Variants in FMN1 observed in about 807,000 individuals in gnomAD.
The protein encoded by FMN1 is formin-1.
In FMN1, 110 loss-of-function variants were observed where a neutral mutation model predicts 132.4. The ratio of observed to expected loss-of-function variants is 0.83; its 90% CI spans 0.71 to 0.97. The LOEUF is 0.97. Among genes scored for constraint, FMN1 ranks in the 50% least tolerant of loss-of-function variants. FMN1 has a pLI of 0.00. For synonymous variants in FMN1, 722 were observed against 651.7 expected (o/e 1.11, Z -1.64); for missense variants, 1,792 against 1,705.3 (o/e 1.05, Z -0.90).
At chr15:32,786,821 G>T (rs2056895258) in intron 19 of FMN1, among the ~76,000 whole-genome samples, 1 of 152,286 alleles carries the variant, frequency 6.6e-6, no homozygotes, top group South Asian at 2.1e-4. Flanking sequence ...TCCAACCACT[G>T]CCTGGTGGCC....
intron 2 of FMN1, among the ~76,000 whole-genome samples, chr15:33,189,099 T>C (rs920795219): frequency 1.4e-4 from 21 of 152,218 alleles, no homozygotes; most frequent in Admixed American, 1.4e-3. Context: ...TTTTCGGAGG[T>C]TAAAATTAGG....
At chr15:32,996,626 C>T (rs2033786301) in intron 7 of FMN1, among the ~76,000 whole-genome samples, 1 of 152,172 alleles carries the variant, frequency 6.6e-6, no homozygotes, top group Admixed American at 6.5e-5. Context: ...ATAGTAAATG[C>T]TCAATTAAGT....
intron 3 of FMN1, among the ~76,000 whole-genome samples, chr15:33,162,839 G>A (rs35877923): frequency 0.034 from 5,103 of 152,252 alleles, 140 homozygotes; most frequent in Middle Eastern, 0.051. Flanking sequence ...GTTACAGGCC[G>A]GGCGTGGTGG....
In FMN1 at chr15:32,888,215, T is replaced by G; in HGVS notation, c.3792A>C (p.Glu1264Asp). 6.2e-7 allele frequency: 1 copy of G among 1,613,304 alleles called. No homozygotes were observed. The stretch of plus-strand genomic sequence containing the variant: ...GTTTTCTCAAATCTTTTATGAGGTC[T>G]TCAAACTTGACTTGGGAGGCCAGAA... ...DFFLASQVKF[E>D]DLIKDLRKLK... Residue 1264 changes from glutamate (E) to aspartate (D), a missense_variant, in exon 16 of 21, where the codon GAA becomes GAC. Physicochemically the swap from Glu to Asp is conservative, Grantham distance 45. Transcript: ENST00000616417.
At chr15:32,922,843 C>A (rs1275043478) in intron 10 of FMN1, among the ~76,000 whole-genome samples, 1 of 152,180 alleles carries the variant, frequency 6.6e-6, no homozygotes, top group Admixed American at 6.5e-5. Context: ...CTGTTTATGC[C>A]TGTTTCTTTG....
At chr15:32,778,749 C>T (rs746091559) in intron 19 of FMN1, among the ~76,000 whole-genome samples, 2 of 151,994 alleles carry the variant, frequency 1.3e-5, no homozygotes, top group Non-Finnish European at 2.9e-5. Context: ...ACAGTTTGGC[C>T]GTTTTCCAAA....
At chr15:32,855,157 TAAAAAAAA>T (rs750275479) in intron 17 of FMN1, among the ~76,000 whole-genome samples, 3 of 85,544 alleles carry the variant, frequency 3.5e-5, no homozygotes, top group Admixed American at 1.4e-4. Flanking sequence ...ACGTGGAGAG[TAAAAAAAA>T]AAAAAAAAAA....
At chr15:33,122,339 A>G (rs190718669) in intron 4 of FMN1, among the ~76,000 whole-genome samples, 474 of 152,366 alleles carry the variant, frequency 3.1e-3, no homozygotes, top group Middle Eastern at 0.01. Context: ...CTTTAAAAGA[A>G]GAAAATTTTT....
intron 17 of FMN1, among the ~76,000 whole-genome samples, chr15:32,829,718 C>T (rs1198294769): frequency 1.3e-5 from 2 of 152,144 alleles, no homozygotes; most frequent in African/African-American, 4.8e-5. Flanking sequence ...TCCTGCCAAT[C>T]CATGTAAATC....
In FMN1 at chr15:32,945,402, T is replaced by C. The variant is rs1305570627; in HGVS notation, c.3138+18705A>G. Among the ~76,000 whole-genome samples, 3 of 152,150 alleles carry C rather than the reference T, an allele frequency of 2.0e-5. No individual in the cohort carries two copies. The East Asian group carries it at 5.8e-4, about 29-fold the overall frequency. ...AAGTATACAGACAGCCATAGTGCCC[T>C]CCTAAAACCTCTAAATAACAAAGTT... On this transcript the variant is annotated intron_variant, in intron 9 of 20. Transcript: ENST00000616417.
chr15:32,961,576 C>T (rs924137662), intron 9 of FMN1, among the ~76,000 whole-genome samples: 1 of 152,108 alleles, frequency 6.6e-6, no homozygotes, highest in Admixed American at 6.5e-5. Flanking sequence ...GAAAAACTAA[C>T]CAACCAAACA....
At chr15:33,032,919 T>C (rs1452200941) in intron 6 of FMN1, among the ~76,000 whole-genome samples, 4 of 152,202 alleles carry the variant, frequency 2.6e-5, no homozygotes, top group Non-Finnish European at 4.4e-5. Context: ...CGCAAGGTCA[T>C]TGTGAGGTTT....
At chr15:33,021,112 T>A (rs545910565) in intron 6 of FMN1, among the ~76,000 whole-genome samples, 1 of 152,306 alleles carries the variant, frequency 6.6e-6, no homozygotes, top group African/African-American at 2.4e-5. Context: ...TTAAAACATA[T>A]TCTGGGTGGC....
Position 33,079,192 on chromosome 15 carries a change from G to A in FMN1, c.2043+9607C>T, listed in dbSNP as rs527293856. On this transcript the variant is annotated intron_variant, in intron 5 of 20. Transcript: ENST00000616417. ...GTCCAAATTGTATATGAACAGCTAT[G>A]TATTTCTCATCAGAATAGGAGACGA... Among the ~76,000 whole-genome samples, 4 of 152,294 alleles carry A rather than the reference G, an allele frequency of 2.6e-5. No individual in the cohort carries two copies. The South Asian group carries it at 8.3e-4, about 32-fold the overall frequency.
At chr15:33,182,735 T>C (rs1473372320) in intron 2 of FMN1, among the ~76,000 whole-genome samples, 1 of 152,194 alleles carries the variant, frequency 6.6e-6, no homozygotes, top group Non-Finnish European at 1.5e-5. Context: ...GATGAATTCC[T>C]ATGTGTTCAA....
intron 10 of FMN1, among the ~76,000 whole-genome samples, chr15:32,924,838 C>T (rs540002989): frequency 1.3e-5 from 2 of 152,120 alleles, no homozygotes; most frequent in Non-Finnish European, 1.5e-5. Flanking sequence ...CACTTGAATC[C>T]GGGAGGCAGA....
intron 7 of FMN1, among the ~76,000 whole-genome samples, chr15:33,002,364 C>G (rs1434669540): frequency 6.6e-6 from 1 of 152,230 alleles, no homozygotes; most frequent in Non-Finnish European, 1.5e-5. Context: ...CTATCTTCCA[C>G]TAGGTCTGTG....
At chr15:32,877,723 G>T (rs1215168189) in intron 16 of FMN1, among the ~76,000 whole-genome samples, 1 of 152,120 alleles carries the variant, frequency 6.6e-6, no homozygotes, top group African/African-American at 2.4e-5. Flanking sequence ...TTTCTCTTCA[G>T]ACAGCTTTAA....
chr15:32,948,397 T>C (rs1173041375), intron 9 of FMN1, among the ~76,000 whole-genome samples: 2 of 152,050 alleles, frequency 1.3e-5, no homozygotes, highest in East Asian at 3.8e-4. Context: ...CTTCTGCCCT[T>C]GTCTGGTTGT....
Sources: allele counts gnomAD v4.1 joint callset (sites outside exome capture counted in the v4.1 genomes callset), GRCh38; gene constraint gnomAD v4.1.1; transcripts MANE v1.5; gene names NCBI Gene and HGNC (gene_info 2026-07-23, HGNC 2026-07-21).